The following CBFB variants were observed in gnomAD, a reference collection of about 807,000 sequenced individuals.
The protein encoded by CBFB is CBF-beta.
CBFB carries 9 observed loss-of-function variants against 30.4 expected under a neutral mutation model. The ratio of observed to expected loss-of-function variants is 0.30; its 90% CI spans 0.18 to 0.52. The LOEUF (loss-of-function observed/expected upper bound fraction) is 0.52, where lower values mean the gene tolerates loss of function less well. CBFB is among the 20% of genes least tolerant of loss of function. CBFB has a pLI of 0.97. For synonymous variants in CBFB, 94 were observed against 84.0 expected (o/e 1.12, Z -0.65); for missense variants, 170 against 244.0 (o/e 0.70, Z 2.02).
chr16:67,035,526 C>T (rs1262952484), intron 2 of CBFB, among the ~76,000 whole-genome samples: 1 of 152,180 alleles, frequency 6.6e-6, no homozygotes, highest in Non-Finnish European at 1.5e-5. Context: ...TTTAGGTTGA[C>T]AAGTGTACCG....
At chr16:67,042,536 C>T (rs2145720894) in intron 3 of CBFB, among the ~76,000 whole-genome samples, 2 of 152,312 alleles carry the variant, frequency 1.3e-5, no homozygotes, top group Admixed American at 1.3e-4. Flanking sequence ...CCTTGTGCCC[C>T]TTTGCAGGAA....
intron 3 of CBFB, among the ~76,000 whole-genome samples, chr16:67,049,349 G>A (rs1348505536): frequency 6.6e-6 from 1 of 151,952 alleles, no homozygotes; most frequent in Non-Finnish European, 1.5e-5. Flanking sequence ...GATTACAGGA[G>A]CCTGCCACCA....
chr16:67,040,444 T>C (rs1252369228), intron 3 of CBFB, among the ~76,000 whole-genome samples: 2 of 152,238 alleles, frequency 1.3e-5, no homozygotes, highest in Admixed American at 1.3e-4. Context: ...AGTGTAACTT[T>C]GGGCATGTTG....
At position 67,095,913 on chromosome 16, in the gene CBFB, AACTCCTG is replaced by A. The variant is rs551991831; in HGVS notation, c.496-2794_496-2788del. Among the ~76,000 whole-genome samples the A allele has an allele frequency of 3.9e-3, 583 of 150,810 alleles. 5 individuals carry two copies. Among genetic ancestry groups the A allele is most frequent in the African/African-American group, 0.013 (552 of 41,282 alleles). ...CGCCATGTTGGCCAGGCTGATCTCG[AACTCCTG>A]ACCTCAGGTGATCCGCCCACCTTGG... On this transcript the variant is annotated intron_variant, in intron 5 of 5. Transcript: ENST00000412916.
intron 4 of CBFB, among the ~76,000 whole-genome samples, chr16:67,077,825 G>C (rs1961444222): frequency 6.6e-6 from 1 of 152,204 alleles, no homozygotes; most frequent in African/African-American, 2.4e-5. Flanking sequence ...ACTACAACAA[G>C]AGTGGTCGAA....
At chr16:67,068,789 TTATAAA>T (rs1297746214) in intron 4 of CBFB, among the ~76,000 whole-genome samples, 3 of 152,194 alleles carry the variant, frequency 2.0e-5, no homozygotes, top group African/African-American at 7.2e-5. Context: ...AAAGTAGTTG[TTATAAA>T]TATACTGAAA....
At chr16:67,070,733 C>A (rs1459087778) in intron 4 of CBFB, among the ~76,000 whole-genome samples, 1 of 151,646 alleles carries the variant, frequency 6.6e-6, no homozygotes, top group African/African-American at 2.4e-5. Context: ...CACCTGTAGA[C>A]CCAGCTACTC....
At chr16:67,069,565 T>G (rs975059603) in intron 4 of CBFB, among the ~76,000 whole-genome samples, 4 of 152,158 alleles carry the variant, frequency 2.6e-5, no homozygotes, top group African/African-American at 4.8e-5. Flanking sequence ...AGATACATTT[T>G]AAGAAGTAGT....
At chr16:67,075,744 T>C (rs1366814623) in intron 4 of CBFB, among the ~76,000 whole-genome samples, 1 of 152,126 alleles carries the variant, frequency 6.6e-6, no homozygotes, top group African/African-American at 2.4e-5. Flanking sequence ...ATAAAGTGCG[T>C]GGTCACACAA....
At chr16:67,098,634 G>C in intron 5 of CBFB, 76 bp from the exon 6 acceptor site, 6 of 856,000 alleles carry the variant, frequency 7.0e-6, no homozygotes, top group South Asian at 7.0e-5. Context: ...GTGTGCTACT[G>C]TCTTGTATTT....
intron 5 of CBFB, among the ~76,000 whole-genome samples, chr16:67,089,161 AT>A (rs1386991494): frequency 6.6e-6 from 1 of 152,218 alleles, no homozygotes; most frequent in African/African-American, 2.4e-5. Context: ...CTATAGTGAA[AT>A]GAAGAAGCAT....
rs541179430 is a variant in CBFB at position 67,030,187 on chromosome 16, A to G, written c.165+374A>G. On this transcript the variant is annotated intron_variant, in intron 2 of 5. Coordinates refer to ENST00000412916, the MANE Select transcript of CBFB (RefSeq NM_022845.3). ...TGGAGCTTCATTCAAGGTCGGCGAT[A>G]GTTTGTTTCTTAGAAGGTAGATCTG... 1.2e-4 allele frequency: 22 copies of G among 187,728 alleles called. No individual in the cohort carries two copies. The East Asian group carries it at 3.1e-3, about 26-fold the overall frequency. 11.6% of individuals were successfully genotyped at this position (187,728 alleles called of 1,614,324 possible).
At chr16:67,088,556 C>A (rs1021936356) in intron 5 of CBFB, among the ~76,000 whole-genome samples, 3 of 152,110 alleles carry the variant, frequency 2.0e-5, no homozygotes, top group Non-Finnish European at 4.4e-5. Context: ...CCACACCACC[C>A]GTAAAGATGC....
chr16:67,059,935 TA>T (rs1960844430), intron 3 of CBFB, among the ~76,000 whole-genome samples: 1 of 152,042 alleles, frequency 6.6e-6, no homozygotes. Context: ...ATGTAGCAGA[TA>T]AAAATTGTTG....
chr16:67,090,969 CTT>C lies in CBFB; in HGVS notation c.496-7740_496-7739del, dbSNP rs201284694. Among the ~76,000 whole-genome samples, 1,022 of 152,280 alleles carry C rather than the reference CTT, an allele frequency of 6.7e-3. 1 individual carries two copies. Among genetic ancestry groups the C allele is most frequent in the Non-Finnish European group, 9.8e-3 (665 of 68,016 alleles). On this transcript the variant is annotated intron_variant, in intron 5 of 5. Coordinates refer to ENST00000412916, the MANE Select transcript of CBFB (RefSeq NM_022845.3). Reference sequence around the variant, plus strand: ...TCTATTTATTTTAAATTTCCGAAGACTTCAGTTTTCAAATTATTTAACTCTAC... The same window carrying C: ...TCTATTTATTTTAAATTTCCGAAGACCAGTTTTCAAATTATTTAACTCTAC...
intron 1 of CBFB, 77 bp from the exon 2 acceptor site, chr16:67,029,650 G>GATA: frequency 7.1e-7 from 1 of 1,409,362 alleles, no homozygotes; most frequent in Non-Finnish European, 9.8e-7. Context: ...TGCCCTTATC[G>GATA]GCGCTGCGCT....
rs1273919703 is a variant in CBFB at position 67,029,351 on chromosome 16, G to A, written c.-57G>A. ...CAGTCGGTCAGCGCGGAGCCAGCCA[G>A]CGGGTGCCCGCGCAAGCCCCGAGCG... On this transcript the variant is annotated 5_prime_UTR_variant, in exon 1 of 6. Coordinates refer to ENST00000412916, the MANE Select transcript of CBFB (RefSeq NM_022845.3). 2 of 1,293,118 alleles carry A rather than the reference G, an allele frequency of 1.5e-6. No homozygotes were observed. Among genetic ancestry groups the A allele is most frequent in the African/African-American group, 1.6e-5 (1 of 63,580 alleles). 80.1% of individuals were successfully genotyped at this position (1,293,118 alleles called of 1,614,324 possible).
chr16:67,062,252 TC>T (rs1306803996), intron 3 of CBFB, among the ~76,000 whole-genome samples: 1 of 149,824 alleles, frequency 6.7e-6, no homozygotes, highest in African/African-American at 2.4e-5. Context: ...CACTGCAAAC[TC>T]CATCTCCCGG....
chr16:67,067,184 G>A (rs1424165327), intron 4 of CBFB, among the ~76,000 whole-genome samples: 10 of 148,862 alleles, frequency 6.7e-5, no homozygotes, highest in Non-Finnish European at 1.5e-4. Flanking sequence ...TCCCAAGAAA[G>A]CAATGATAAA....
Sources: gnomAD v4.1 joint callset for allele counts (sites outside exome capture counted in the v4.1 genomes callset) on GRCh38, gnomAD v4.1.1 for gene constraint, MANE v1.5 for transcripts, NCBI Gene and HGNC (gene_info 2026-07-23, HGNC 2026-07-21) for gene names.